Variants in ROCK1 observed in about 807,000 individuals in gnomAD.
ROCK1 encodes the protein Rho associated coiled-coil containing protein kinase 1.
ROCK1 carries 36 observed loss-of-function variants against 196.8 expected under a neutral mutation model. The ratio of observed to expected loss-of-function variants is 0.18; its 90% CI spans 0.14 to 0.24. The LOEUF is 0.24. ROCK1 is among the 10% of genes least tolerant of loss of function. The pLI is 1.00. For synonymous variants in ROCK1, 443 were observed against 515.9 expected (o/e 0.86, Z 1.91); for missense variants, 920 against 1,562.0 (o/e 0.59, Z 6.93).
intron 16 of ROCK1, among the ~76,000 whole-genome samples, chr18:20,994,093 C>A (rs1338903349): frequency 6.6e-6 from 1 of 152,104 alleles, no homozygotes; most frequent in Non-Finnish European, 1.5e-5. Context: ...TAATGCATAT[C>A]TGCTAGATTA....
At chr18:21,017,807 C>A (rs1238372476) in intron 12 of ROCK1, among the ~76,000 whole-genome samples, 1 of 151,518 alleles carries the variant, frequency 6.6e-6, no homozygotes, top group African/African-American at 2.4e-5. Context: ...CCCGTCTCTA[C>A]TAAAGAATTC....
intron 2 of ROCK1, among the ~76,000 whole-genome samples, chr18:21,066,915 T>C (rs1012673962): frequency 7.9e-5 from 12 of 152,234 alleles, no homozygotes; most frequent in Admixed American, 3.9e-4. Flanking sequence ...TGCAGACATA[T>C]GCTTTCATTT....
intron 16 of ROCK1, 51 bp downstream of exon 16, chr18:21,006,300 A>G (rs762612397): frequency 2.8e-6 from 4 of 1,418,670 alleles, no homozygotes; most frequent in Admixed American, 2.0e-5. Context: ...TTAAAATGTT[A>G]TAATAAATTT....
chr18:20,964,371 T>C (rs1400270333), intron 27 of ROCK1, among the ~76,000 whole-genome samples: 1 of 152,198 alleles, frequency 6.6e-6, no homozygotes, highest in Non-Finnish European at 1.5e-5. Context: ...TCTTCCTAGA[T>C]ATGAATGCAA....
intron 4 of ROCK1, 118 bp downstream of exon 4, chr18:21,048,974 G>A: frequency 1.2e-6 from 1 of 818,814 alleles, no homozygotes; most frequent in East Asian, 3.1e-5. Flanking sequence ...AAGGTAATTA[G>A]ACAATTTTGT....
Position 20,947,220 on chromosome 18 carries a change from A to G in ROCK1, c.*4164T>C, listed in dbSNP as rs1312629664. On this transcript the variant is annotated 3_prime_UTR_variant, in exon 33 of 33. Transcript: ENST00000399799. ...GTGGAATTAATGTTATTCTTTTCCT[A>G]CCTCACAAAAATCTGAGTTACATAT... 1 of 151,972 alleles carries G rather than the reference A, an allele frequency of 6.6e-6. No homozygotes were observed. The highest frequency in any genetic ancestry group is 1.5e-5 in the Non-Finnish European group (1 of 68,000). The allele number at this position is 151,972 out of a possible 1,614,324, so 9.4% of individuals were successfully genotyped here.
Position 21,111,075 on chromosome 18 carries a change from C to T in ROCK1, c.-165G>A. 1.6e-6 allele frequency: 1 copy of T among 616,358 alleles called. No homozygotes were observed. The highest frequency in any genetic ancestry group is 2.9e-6 in the Non-Finnish European group (1 of 348,702). 38.2% of individuals were successfully genotyped at this position (616,358 alleles called of 1,614,324 possible). On this transcript the variant is annotated 5_prime_UTR_variant, in exon 1 of 33. Transcript: ENST00000399799. This position sits in a 1 kb window ranked among gnomAD's most constrained non-coding sequence, Gnocchi z 4.2. ...GTCTTCCCCTCACTGAGGGGACCTC[C>T]GCTCTCCAGACCCCGGGCCGGGGGC...
At chr18:20,994,070 C>A (rs1249471445) in intron 16 of ROCK1, among the ~76,000 whole-genome samples, 2 of 152,120 alleles carry the variant, frequency 1.3e-5, no homozygotes, top group Non-Finnish European at 2.9e-5. Flanking sequence ...AATATTAAAT[C>A]TTTGGCACCT....
At chr18:21,043,531 A>G (rs1246976431) in intron 6 of ROCK1, among the ~76,000 whole-genome samples, 1 of 145,846 alleles carries the variant, frequency 6.9e-6, no homozygotes, top group African/African-American at 2.5e-5. Flanking sequence ...TATAAATAAC[A>G]TATTTATTTA....
intron 22 of ROCK1, among the ~76,000 whole-genome samples, chr18:20,979,048 C>T (rs2035506313): frequency 6.6e-6 from 1 of 152,164 alleles, no homozygotes; most frequent in African/African-American, 2.4e-5. Context: ...TCTTGTTGCG[C>T]CTGTCAGCTG....
intron 13 of ROCK1, among the ~76,000 whole-genome samples, chr18:21,010,993 ATGC>A (rs2035811907): frequency 6.6e-6 from 1 of 152,128 alleles, no homozygotes; most frequent in Non-Finnish European, 1.5e-5. Context: ...CATTGCCAAT[ATGC>A]TGCTTTCTTT....
chr18:21,106,585 G>C (rs1169487560), intron 1 of ROCK1, among the ~76,000 whole-genome samples: 1 of 152,096 alleles, frequency 6.6e-6, no homozygotes, highest in Non-Finnish European at 1.5e-5. Context: ...ACAGGCCCTA[G>C]ACAAAATAAT....
At position 20,959,944 on chromosome 18, in the gene ROCK1, G is replaced by A; in HGVS notation, c.3424-16C>T. On this transcript the variant is annotated splice_polypyrimidine_tract_variant and intron_variant, in intron 28 of 32. Transcript: ENST00000399799. ...CCACAACATACTGAAATAAGAAAAA[G>A]GGGGGAAGAGTTACAAGAGCAACAT... 1 of 1,495,678 alleles carries A rather than the reference G, an allele frequency of 6.7e-7. No individual in the cohort carries two copies. Among genetic ancestry groups the A allele is most frequent in the East Asian group, 2.3e-5 (1 of 44,020 alleles). 92.7% of individuals were successfully genotyped at this position (1,495,678 alleles called of 1,614,324 possible).
chr18:20,971,247 G>A (rs2035423116), intron 22 of ROCK1, among the ~76,000 whole-genome samples: 1 of 151,186 alleles, frequency 6.6e-6, no homozygotes, highest in Admixed American at 6.6e-5. Context: ...ATTTTCTAGT[G>A]AGTATTACAA....
chr18:20,951,966 G>A (rs2035192087), intron 32 of ROCK1, among the ~76,000 whole-genome samples: 1 of 151,908 alleles, frequency 6.6e-6, no homozygotes, highest in Non-Finnish European at 1.5e-5. Context: ...TTTAGAATTG[G>A]ACAGAAATGG....
At chr18:20,994,692 A>G (rs1156281841) in intron 16 of ROCK1, among the ~76,000 whole-genome samples, 1 of 152,224 alleles carries the variant, frequency 6.6e-6, no homozygotes, top group African/African-American at 2.4e-5. Context: ...ATAATAAACT[A>G]TATGGGTTGA....
intron 27 of ROCK1, among the ~76,000 whole-genome samples, chr18:20,963,931 TTTTAA>T (rs1485770055): frequency 6.6e-6 from 1 of 152,148 alleles, no homozygotes; most frequent in Non-Finnish European, 1.5e-5. Context: ...GAGTAACATT[TTTTAA>T]ATAAAGTTTT....
intron 13 of ROCK1, among the ~76,000 whole-genome samples, chr18:21,012,113 A>C (rs1398720618): frequency 3.3e-5 from 5 of 151,954 alleles, no homozygotes; most frequent in South Asian, 4.2e-4. Flanking sequence ...ACACTTGGCT[A>C]ATTTTTTTTG....
intron 9 of ROCK1, among the ~76,000 whole-genome samples, chr18:21,034,625 T>C (rs1320361096): frequency 6.6e-6 from 1 of 152,198 alleles, no homozygotes; most frequent in Non-Finnish European, 1.5e-5. Context: ...ACCCTTACTA[T>C]ACACTATATA....
Sources: allele counts gnomAD v4.1 joint callset (sites outside exome capture counted in the v4.1 genomes callset), GRCh38; gene constraint gnomAD v4.1.1; non-coding constraint Gnocchi (gnomAD v3.1); transcripts MANE v1.5; gene names NCBI Gene and HGNC (gene_info 2026-07-23, HGNC 2026-07-21).